ANKRD50: variants seen among roughly 807,000 people sequenced by gnomAD.
The protein encoded by ANKRD50 is ankyrin repeat domain 50, also known as ankyrin repeat domain-containing protein 50.
In ANKRD50, 40 loss-of-function variants were observed where a neutral mutation model predicts 112.0. The observed-to-expected ratio is 0.36, with a 90% confidence interval of 0.28 to 0.46. The LOEUF (loss-of-function observed/expected upper bound fraction) is 0.46, where lower values mean the gene tolerates loss of function less well. Ranked by LOEUF, ANKRD50 falls within the 20% of genes least tolerant of loss-of-function variation. ANKRD50 has a pLI of 1.00. For missense variants in ANKRD50, 1,487 were observed against 1,701.7 expected, an observed-to-expected ratio of 0.87 and a Z score of 2.22; for synonymous variants, 613 against 619.1, an observed-to-expected ratio of 0.99 and a Z score of 0.15.
chr4:124,699,284 A>G (rs1329353021), intron 2 of ANKRD50, among the ~76,000 whole-genome samples: 1 of 151,834 alleles, frequency 6.6e-6, no homozygotes, highest in Non-Finnish European at 1.5e-5. Flanking sequence ...GGGTAGGTAC[A>G]TGTATGTTTG....
chr4:124,697,664 G>A (rs1290869841), intron 2 of ANKRD50, among the ~76,000 whole-genome samples: 2 of 152,114 alleles, frequency 1.3e-5, no homozygotes, highest in African/African-American at 4.8e-5. Flanking sequence ...CCAGCAACCA[G>A]AATTATGAGC....
intron 2 of ANKRD50, among the ~76,000 whole-genome samples, chr4:124,691,478 G>A (rs1303390816): frequency 2.9e-4 from 31 of 106,208 alleles, no homozygotes; most frequent in South Asian, 1.4e-3. Flanking sequence ...CGGCCTGGGC[G>A]ACAGAGCGAG....
intron 2 of ANKRD50, among the ~76,000 whole-genome samples, chr4:124,682,672 T>C (rs902304252): frequency 2.0e-5 from 3 of 152,094 alleles, no homozygotes; most frequent in African/African-American, 4.8e-5. Context: ...AAATCTACCT[T>C]GTCTGATATT....
chr4:124,689,676 C>T (rs1030800883), intron 2 of ANKRD50, among the ~76,000 whole-genome samples: 12 of 152,188 alleles, frequency 7.9e-5, no homozygotes, highest in Non-Finnish European at 1.5e-4. Flanking sequence ...GGAATTTACA[C>T]CATTAGCTCT....
chr4:124,675,986 G>T (rs901949091), intron 3 of ANKRD50, among the ~76,000 whole-genome samples: 3 of 151,738 alleles, frequency 2.0e-5, no homozygotes, highest in African/African-American at 7.2e-5. Context: ...ATGAGTAGGT[G>T]AAGCCAATTT....
chr4:124,691,231 G>A (rs1321300073), intron 2 of ANKRD50, among the ~76,000 whole-genome samples: 4 of 152,058 alleles, frequency 2.6e-5, no homozygotes, highest in Admixed American at 6.5e-5. Flanking sequence ...GGTGGCTCAC[G>A]CCTGTAATCC....
At position 124,664,995 on chromosome 4, in the gene ANKRD50, C is replaced by T. The variant is rs1234568367; in HGVS notation, c.*2523G>A. The T allele has an allele frequency of 6.6e-6, 1 of 151,812 alleles. No homozygotes were observed. Among genetic ancestry groups the T allele is most frequent in the Non-Finnish European group, 1.5e-5 (1 of 67,842 alleles). 9.4% of individuals were successfully genotyped at this position (151,812 alleles called of 1,614,324 possible). On this transcript the variant is annotated 3_prime_UTR_variant, in exon 5 of 5. Transcript: ENST00000504087. ...TTATAAAAATGTTATAAGCACATGCCATCATAGTTGTGTAGTGGCAACAGC... is the reference window on the plus strand; with the variant it reads ...TTATAAAAATGTTATAAGCACATGCTATCATAGTTGTGTAGTGGCAACAGC...
intron 2 of ANKRD50, among the ~76,000 whole-genome samples, chr4:124,698,717 A>G (rs1725312529): frequency 6.6e-6 from 1 of 152,170 alleles, no homozygotes; most frequent in Non-Finnish European, 1.5e-5. Context: ...ACACGATGTG[A>G]GGTATTGTAA....
In ANKRD50 at chr4:124,710,493, C is replaced by G. The variant is rs1323780613; in HGVS notation, c.19G>C (p.Glu7Gln). 3 of 1,612,268 alleles carry G rather than the reference C, an allele frequency of 1.9e-6. No individual in the cohort carries two copies. The highest frequency in any genetic ancestry group is 2.5e-6 in the Non-Finnish European group (3 of 1,179,806). Reference protein sequence around the residue: MTNPWEEKVCKMAQTSL... With the variant: MTNPWEQKVCKMAQTSL... ...GTTTGAGCCATTTTGCAGACTTTCT[C>G]TTCCCAAGGATTAGTCATAACGGGT... The change falls in exon 2 of 5, where the codon GAG becomes CAG. Residue 7 changes from glutamate to glutamine, a missense_variant. By Grantham distance (29) the Glu-to-Gln change is conservative. Coordinates refer to ENST00000504087, the MANE Select transcript of ANKRD50 (RefSeq NM_020337.3).
At chr4:124,674,141 T>C (rs1354106284) in intron 3 of ANKRD50, among the ~76,000 whole-genome samples, 1 of 152,024 alleles carries the variant, frequency 6.6e-6, no homozygotes, top group Non-Finnish European at 1.5e-5. Context: ...GGGAAATACC[T>C]AGTACATTGC....
Position 124,669,693 on chromosome 4 carries a change from G to A in ANKRD50, c.3584C>T (p.Thr1195Ile), listed in dbSNP as rs936873938. The change falls in exon 4 of 5, where the codon ACT (threonine) becomes ATT (isoleucine). Residue 1195 changes from threonine to isoleucine, a missense_variant. Around this residue, in one of 2 missense-constraint regions of ANKRD50, gnomAD observed 441 missense variants for 432.2 expected, o/e 1.02. Transcript: ENST00000504087. ...KSSKNSSLRTTSSTATAQTVP... is the reference protein window; with the variant it reads ...KSSKNSSLRTISSTATAQTVP... ...TGTTTGAGCCGTTGCTGTAGATGAAGTAGTTCTCAAAGATGAATTTTTTGA... is the reference window on the plus strand; with the variant it reads ...TGTTTGAGCCGTTGCTGTAGATGAAATAGTTCTCAAAGATGAATTTTTTGA... 1.1e-5 allele frequency: 17 copies of A among 1,613,110 alleles called. No homozygotes were observed. The highest frequency in any genetic ancestry group is 1.4e-5 in the Non-Finnish European group (17 of 1,179,714).
rs565219994 is a variant in ANKRD50, at chr4:124,684,455, A to G, written c.513-5550T>C. 2.7e-4 allele frequency among the ~76,000 whole-genome samples: 41 copies of G among 152,256 alleles called. No homozygotes were observed. In the South Asian group the frequency reaches 8.1e-3, roughly 30 times the overall value. ...TTTACTACACCCAATACTACACTCAATACCTTCCTCCTGCACATACATGGC... is the reference window on the plus strand; with the variant it reads ...TTTACTACACCCAATACTACACTCAGTACCTTCCTCCTGCACATACATGGC... On this transcript the variant is annotated intron_variant, in intron 2 of 4. Coordinates refer to ENST00000504087, the MANE Select transcript of ANKRD50 (RefSeq NM_020337.3).
chr4:124,679,701 T>C (rs1005790223), intron 2 of ANKRD50, among the ~76,000 whole-genome samples: 3 of 152,222 alleles, frequency 2.0e-5, no homozygotes, highest in African/African-American at 7.2e-5. Flanking sequence ...AATAATGTGT[T>C]CTAAAAGTGT....
intron 2 of ANKRD50, among the ~76,000 whole-genome samples, chr4:124,694,638 C>T (rs1325944091): frequency 6.6e-6 from 1 of 152,124 alleles, no homozygotes; most frequent in Non-Finnish European, 1.5e-5. Context: ...AAGGCTATGG[C>T]TTTTAAGAAG....
intron 2 of ANKRD50, among the ~76,000 whole-genome samples, chr4:124,700,415 A>C (rs945861423): frequency 2.6e-5 from 4 of 152,208 alleles, no homozygotes; most frequent in Admixed American, 1.3e-4. Context: ...AAGAGAAACA[A>C]TAACAACAAG....
At chr4:124,679,573 G>A (rs1439022458) in intron 2 of ANKRD50, among the ~76,000 whole-genome samples, 2 of 151,838 alleles carry the variant, frequency 1.3e-5, no homozygotes, top group African/African-American at 2.4e-5. Flanking sequence ...AATACAACAC[G>A]CTCATTCATT....
At chr4:124,708,236 T>C (rs1725549477) in intron 2 of ANKRD50, among the ~76,000 whole-genome samples, 1 of 152,154 alleles carries the variant, frequency 6.6e-6, no homozygotes, top group African/African-American at 2.4e-5. Context: ...AAAGACTACA[T>C]TATTTATTCT....
intron 2 of ANKRD50, among the ~76,000 whole-genome samples, chr4:124,693,551 T>G: frequency 6.6e-6 from 1 of 152,162 alleles, no homozygotes; most frequent in East Asian, 1.9e-4. Flanking sequence ...TCTCACAAGT[T>G]TTATTTTATT....
intron 2 of ANKRD50, among the ~76,000 whole-genome samples, chr4:124,708,150 C>T (rs978590666): frequency 2.6e-5 from 4 of 152,108 alleles, no homozygotes; most frequent in African/African-American, 9.7e-5. Flanking sequence ...CCACTAGTAT[C>T]TTCAGAAAAA....
Sources: gnomAD v4.1 joint callset for allele counts (sites outside exome capture counted in the v4.1 genomes callset) on GRCh38, gnomAD v4.1.1 for gene constraint, gnomAD v4.1.1 regional missense constraint, MANE v1.5 for transcripts, NCBI Gene and HGNC (gene_info 2026-07-23, HGNC 2026-07-21) for gene names.